DNAH2: variants seen among roughly 807,000 people sequenced by gnomAD.
DNAH2 encodes the protein dynein axonemal heavy chain 2.
In DNAH2, 323 loss-of-function variants were observed where a neutral mutation model predicts 523.5. The observed-to-expected ratio is 0.62, with a 90% confidence interval of 0.56 to 0.68. DNAH2 has a LOEUF of 0.68. DNAH2 is among the 30% of genes least tolerant of loss of function. The pLI is 0.00. For missense variants in DNAH2, 4,907 were observed against 5,701.5 expected (o/e 0.86, Z 4.49); for synonymous variants, 2,093 against 2,177.4 (o/e 0.96, Z 1.08).
In DNAH2 at chr17:7,828,742, C is replaced by A. The variant is rs750286183; in HGVS notation, c.11854-1558C>A. On this transcript the variant is annotated intron_variant, in intron 77 of 85. Transcript: ENST00000572933. This position sits in a 1 kb window ranked among gnomAD's most constrained non-coding sequence, Gnocchi z 4.1. The stretch of plus-strand genomic sequence containing the variant: ...TACAGGTGTGAGCCACTATGCCTGG[C>A]CTAAAATTCTGTAATTTTCTCCGTA... 8.5e-5 allele frequency among the ~76,000 whole-genome samples: 13 copies of A among 152,100 alleles called. 1 individual carries two copies. In the Middle Eastern group the frequency reaches 0.01, roughly 119 times the overall value.
Position 7,771,439 on chromosome 17 carries a change from A to G in DNAH2, c.4472A>G (p.Asn1491Ser), listed in dbSNP as rs775279092. 43 of 1,613,858 alleles carry G rather than the reference A, an allele frequency of 2.7e-5. 1 individual carries two copies. In the Middle Eastern group the frequency reaches 1.3e-3, roughly 49 times the overall value. Reference protein sequence around the residue: ...KAIMDRMNKDNNALRSTHHPG... With the variant: ...KAIMDRMNKDSNALRSTHHPG... The stretch of plus-strand genomic sequence containing the variant: ...ATCATGGACAGGATGAACAAGGACA[A>G]CAATGCTCTCCGGAGCACCCATCAC... The change falls in exon 28 of 86, where the codon AAC becomes AGC. Residue 1491 changes from asparagine (N) to serine (S), a missense_variant. Asn to Ser is a conservative substitution (Grantham distance 46). Coordinates refer to ENST00000572933, the MANE Select transcript of DNAH2 (RefSeq NM_020877.5).
Position 7,742,953 on chromosome 17 carries a change from C to A in DNAH2, c.1715C>A (p.Pro572His). 1.4e-6 allele frequency: 2 copies of A among 1,469,416 alleles called. No homozygotes were observed. The highest frequency in any genetic ancestry group is 1.8e-6 in the Non-Finnish European group (2 of 1,112,368). The allele number at this position is 1,469,416 out of a possible 1,614,324, so 91.0% of individuals were successfully genotyped here. ...TGCCTTGCTGGTGCTCATTTCCTGC[C>A]CCGTATTGGGACTGGAAAGGAGAGT... The part of the protein sequence containing the change: ...MTCLAGAHFL[P>H]RIGTGKESVH... The change falls in exon 12 of 86, where the codon CCC (proline) becomes CAC (histidine). Residue 572 changes from proline (P) to histidine (H), a missense_variant. Physicochemically the swap from Pro to His is moderately conservative, Grantham distance 77. Transcript: ENST00000572933.
chr17:7,738,430 T>C (rs1323463392), intron 8 of DNAH2, among the ~76,000 whole-genome samples: 1 of 152,050 alleles, frequency 6.6e-6, no homozygotes, highest in African/African-American at 2.4e-5. Context: ...CCGAGGTTCA[T>C]GCCATTCTCC....
chr17:7,796,755 G>A, intron 50 of DNAH2, 103 bp downstream of exon 50: 1 of 1,319,780 alleles, frequency 7.6e-7, no homozygotes, highest in Non-Finnish European at 1.0e-6. Context: ...CGCACCAAAA[G>A]TCACCCCCAT....
At chr17:7,804,175 C>A in intron 58 of DNAH2, 81 bp from the exon 59 acceptor site, 1 of 1,443,502 alleles carries the variant, frequency 6.9e-7, no homozygotes, top group Non-Finnish European at 9.5e-7. Flanking sequence ...ACTCGAGACA[C>A]ACGGGGAAGG....
At position 7,780,298 on chromosome 17, in the gene DNAH2, C is replaced by T. The variant is rs1300610784; in HGVS notation, c.5850+14C>T. The T allele has an allele frequency of 9.3e-6, 15 of 1,613,804 alleles. No individual in the cohort carries two copies. The highest frequency in any genetic ancestry group is 1.1e-5 in the Non-Finnish European group (13 of 1,179,952). ...GGCAACTGCAAGGTACTCCAATAAC[C>T]CCTTTTCTCCAGTGATTTTAATTTC... On this transcript the variant is annotated intron_variant, in intron 37 of 85. Coordinates refer to ENST00000572933, the MANE Select transcript of DNAH2 (RefSeq NM_020877.5). The surrounding 1 kb of genome is among the most constrained non-coding windows in gnomAD (Gnocchi z 4.4).
At position 7,754,587 on chromosome 17, in the gene DNAH2, C is replaced by A. The variant is rs962726597; in HGVS notation, c.1905-2504C>A. ...CAACAATGCCAAGGCCATGAGTCCA[C>A]GTGCCGAGGCTCTCAAGGCCCTCGT... On this transcript the variant is annotated intron_variant, in intron 12 of 85. Transcript: ENST00000572933. The surrounding 1 kb of genome is among the most constrained non-coding windows in gnomAD (Gnocchi z 4.6). 3 of 1,495,914 alleles carry A rather than the reference C, an allele frequency of 2.0e-6. No homozygotes were observed. Among genetic ancestry groups the A allele is most frequent in the African/African-American group, 2.7e-5 (2 of 72,874 alleles). 92.7% of individuals were successfully genotyped at this position (1,495,914 alleles called of 1,614,324 possible).
At chr17:7,758,251 C>T (rs545735776) in intron 13 of DNAH2, among the ~76,000 whole-genome samples, 5 of 152,320 alleles carry the variant, frequency 3.3e-5, no homozygotes, top group South Asian at 2.1e-4. Flanking sequence ...CAGCACACAT[C>T]GCATTAAGTT....
chr17:7,724,742 C>CTTTTTTTTTTT (rs57294591), intron 3 of DNAH2, among the ~76,000 whole-genome samples: 1 of 130,446 alleles, frequency 7.7e-6, no homozygotes, highest in Admixed American at 8.5e-5. Context: ...TCATATGTTA[C>CTTTTTTTTTTT]TTTTTTTTTT....
At chr17:7,723,835 C>A (rs2074710327) in intron 3 of DNAH2, 146 bp downstream of exon 3, 1 of 759,780 alleles carries the variant, frequency 1.3e-6, no homozygotes. Flanking sequence ...ACCACAAATC[C>A]AGTTCACTGA....
In DNAH2 at chr17:7,754,731, C is replaced by A; in HGVS notation, c.1905-2360C>A. On this transcript the variant is annotated intron_variant, in intron 12 of 85. Transcript: ENST00000572933. This position sits in a 1 kb window ranked among gnomAD's most constrained non-coding sequence, Gnocchi z 4.6. ...TGCTCGTGCCCGCATGGCCAAGGGG[C>A]TCAGGCTGTGCCGGCCCAAGGCCAA... 1 of 1,101,344 alleles carries A rather than the reference C, an allele frequency of 9.1e-7. No individual in the cohort carries two copies. Among genetic ancestry groups the A allele is most frequent in the Non-Finnish European group, 1.4e-6 (1 of 731,284 alleles). The allele number at this position is 1,101,344 out of a possible 1,614,324, so 68.2% of individuals were successfully genotyped here. A position where few individuals can be genotyped will look rare whatever the true frequency, so the allele number is the denominator to read the frequency against.
chr17:7,792,321 A>G lies in DNAH2; in HGVS notation c.7123A>G (p.Lys2375Glu). 6.2e-7 allele frequency: 1 copy of G among 1,614,016 alleles called. No homozygotes were observed. Among genetic ancestry groups the G allele is most frequent in the Non-Finnish European group, 8.5e-7 (1 of 1,179,972 alleles). The change falls in exon 46 of 86, where the codon AAG becomes GAG. Residue 2375 changes from lysine to glutamate, a missense_variant. By Grantham distance (56) the Lys-to-Glu change is moderately conservative. Around this residue, in one of 3 missense-constraint regions of DNAH2, gnomAD observed 2,806 missense variants for 3,190.8 expected, o/e 0.88. Coordinates refer to ENST00000572933, the MANE Select transcript of DNAH2 (RefSeq NM_020877.5). ...GACATCATTTGAGGACAAGCTCCCTAAGAGTTGGCGCTACCCTCCAAAGTA... is the reference window on the plus strand; with the variant it reads ...GACATCATTTGAGGACAAGCTCCCTGAGAGTTGGCGCTACCCTCCAAAGTA... ...SWTSFEDKLP[K>E]SWRYPPNAPF...
intron 3 of DNAH2, among the ~76,000 whole-genome samples, chr17:7,724,567 A>G (rs1254477217): frequency 6.6e-6 from 1 of 152,108 alleles, no homozygotes; most frequent in Non-Finnish European, 1.5e-5. Flanking sequence ...GCAGTGAGCC[A>G]AGATCGTGCC....
At position 7,819,273 on chromosome 17, in the gene DNAH2, T is replaced by A. The variant is rs201214986; in HGVS notation, c.10880T>A (p.Ile3627Asn). Residue 3627 changes from isoleucine to asparagine, a missense_variant, in exon 72 of 86, where the codon ATC (isoleucine) becomes AAC (asparagine). This residue lies in a region of DNAH2 where 1,851 missense variants were observed against 2,139.4 expected (regional missense o/e 0.87). Coordinates refer to ENST00000572933, the MANE Select transcript of DNAH2 (RefSeq NM_020877.5). Reference protein sequence around the residue: ...LFFVLNDMGCIDPMYQFSLDA... With the variant: ...LFFVLNDMGCNDPMYQFSLDA... Reference sequence around the variant, plus strand: ...TTCGTGCTCAATGATATGGGCTGCATCGACCCCATGTACCAGTTCTCACTG... The same window carrying A: ...TTCGTGCTCAATGATATGGGCTGCAACGACCCCATGTACCAGTTCTCACTG... 6.2e-7 allele frequency: 1 copy of A among 1,614,216 alleles called. No homozygotes were observed.
intron 23 of DNAH2, 34 bp downstream of exon 23, chr17:7,768,095 C>T: frequency 6.2e-7 from 1 of 1,614,058 alleles, no homozygotes; most frequent in Non-Finnish European, 8.5e-7. Flanking sequence ...GGAAGAGAAG[C>T]TGGTGGAGGA....
intron 77 of DNAH2, among the ~76,000 whole-genome samples, chr17:7,826,593 G>A (rs890312572): frequency 7.6e-4 from 108 of 142,330 alleles, no homozygotes; most frequent in Middle Eastern, 3.9e-3. Flanking sequence ...AGGCTGGAGC[G>A]CAGTGGCGCC....
Position 7,767,999 on chromosome 17 carries a change from A to G in DNAH2, c.3775A>G (p.Thr1259Ala). The change falls in exon 23 of 86, where the codon ACC becomes GCC. Residue 1259 changes from threonine to alanine, a missense_variant. Thr to Ala is a moderately conservative substitution (Grantham distance 58, BLOSUM62 0). Coordinates refer to ENST00000572933, the MANE Select transcript of DNAH2 (RefSeq NM_020877.5). Reference sequence around the variant, plus strand: ...CCGGTTCCTGATCCTGCAGACGGAAACCATGGAGACCACGGCCCACGGGCT... The same window carrying G: ...CCGGTTCCTGATCCTGCAGACGGAAGCCATGGAGACCACGGCCCACGGGCT... Reference protein sequence around the residue: ...TGRFLILQTETMETTAHGLFR... With the variant: ...TGRFLILQTEAMETTAHGLFR... The G allele has an allele frequency of 1.2e-6, 2 of 1,614,160 alleles. No homozygotes were observed. Among genetic ancestry groups the G allele is most frequent in the African/African-American group, 2.7e-5 (2 of 75,022 alleles).
intron 20 of DNAH2, 99 bp downstream of exon 20, chr17:7,764,372 C>G (rs2151205363): frequency 2.1e-6 from 3 of 1,413,602 alleles, no homozygotes; most frequent in Non-Finnish European, 2.9e-6. Flanking sequence ...GAAGTGACAG[C>G]AGGAGGAGAC....
chr17:7,794,281 C>T lies in DNAH2; in HGVS notation c.7597C>T (p.Pro2533Ser). 6.2e-7 allele frequency: 1 copy of T among 1,608,808 alleles called. No individual in the cohort carries two copies. ...AATGTTCCTGATGGCTGCCATGGGC[C>T]CCCCTGGGGGTGGACGGACTGTCAT... ...REMFLMAAMGPPGGGRTVISP... is the reference protein window; with the variant it reads ...REMFLMAAMGSPGGGRTVISP... Residue 2533 changes from proline to serine, a missense_variant, in exon 49 of 86, where the codon CCC becomes TCC. Pro to Ser is a moderately conservative substitution (Grantham distance 74, BLOSUM62 -1). Around this residue, in one of 3 missense-constraint regions of DNAH2, gnomAD observed 250 missense variants for 371.3 expected, o/e 0.67. Coordinates refer to ENST00000572933, the MANE Select transcript of DNAH2 (RefSeq NM_020877.5).
Sources: gnomAD v4.1 joint callset for allele counts (sites outside exome capture counted in the v4.1 genomes callset) on GRCh38, gnomAD v4.1.1 for gene constraint, gnomAD v4.1.1 regional missense constraint, Gnocchi (gnomAD v3.1) non-coding constraint, MANE v1.5 for transcripts, NCBI Gene and HGNC (gene_info 2026-07-23, HGNC 2026-07-21) for gene names.